NF2: variants seen among roughly 807,000 people sequenced by gnomAD.
NF2 encodes the protein merlin.
NF2 carries 8 observed loss-of-function variants against 83.7 expected under a neutral mutation model. The ratio of observed to expected loss-of-function variants is 0.10; its 90% CI spans 0.06 to 0.17. NF2 has a LOEUF of 0.17. NF2 is among the 10% of genes least tolerant of loss of function. The pLI, the probability that NF2 is intolerant of heterozygous loss-of-function variation, is 1.00. For missense variants in NF2, 533 were observed against 744.4 expected (o/e 0.72, Z 3.31); for synonymous variants, 266 against 269.6 (o/e 0.99, Z 0.13).
intron 7 of NF2, 77 bp from the exon 8 acceptor site, chr22:29,661,128 C>T (rs2147005986): frequency 1.3e-6 from 2 of 1,598,624 alleles, no homozygotes. Flanking sequence ...ACAGTGTGTG[C>T]CAGATTCTTT....
At chr22:29,654,870 A>T in intron 5 of NF2, 145 bp downstream of exon 5, 1 of 724,212 alleles carries the variant, frequency 1.4e-6, no homozygotes, top group Non-Finnish European at 2.4e-6. Flanking sequence ...ACAGTGTGGG[A>T]TCTCTGTTAA....
intron 1 of NF2, among the ~76,000 whole-genome samples, chr22:29,630,588 T>A (rs1480571179): frequency 1.3e-5 from 2 of 152,228 alleles, no homozygotes; most frequent in African/African-American, 2.4e-5. Flanking sequence ...GGAGGAGGTC[T>A]GTGGAAGGGA....
intron 1 of NF2, among the ~76,000 whole-genome samples, chr22:29,605,987 T>C (rs1424201720): frequency 1.3e-5 from 2 of 152,060 alleles, no homozygotes; most frequent in African/African-American, 4.8e-5. Flanking sequence ...GGAGTTTTGC[T>C]CTTGTTGCTC....
At chr22:29,620,757 C>T (rs574959683) in intron 1 of NF2, among the ~76,000 whole-genome samples, 3 of 151,660 alleles carry the variant, frequency 2.0e-5, no homozygotes, top group African/African-American at 7.3e-5. Flanking sequence ...GGTCTCCCTA[C>T]GTTGGTTGCT....
At chr22:29,682,585 TC>T (rs1368414692) in intron 15 of NF2, among the ~76,000 whole-genome samples, 1 of 152,204 alleles carries the variant, frequency 6.6e-6, no homozygotes, top group African/African-American at 2.4e-5. Flanking sequence ...ATTTCCACAT[TC>T]CACATTCTTC....
At chr22:29,654,610 G>A (rs2146965755) in intron 4 of NF2, 47 bp from the exon 5 acceptor site, 1 of 1,533,884 alleles carries the variant, frequency 6.5e-7, no homozygotes, top group Non-Finnish European at 9.0e-7. Flanking sequence ...AGAAATGGCA[G>A]TTATCTTTAG....
chr22:29,631,415 C>T (rs2065508999), intron 1 of NF2, among the ~76,000 whole-genome samples: 1 of 152,186 alleles, frequency 6.6e-6, no homozygotes, highest in African/African-American at 2.4e-5. Flanking sequence ...GTTCTGTTAG[C>T]ACTTACCAGG....
intron 9 of NF2, among the ~76,000 whole-genome samples, chr22:29,666,686 A>C (rs1042899286): frequency 1.3e-5 from 2 of 152,066 alleles, no homozygotes. Flanking sequence ...TTAAATAATA[A>C]AAAAGAGGGC....
At chr22:29,638,963 C>G (rs1451056962) in intron 2 of NF2, 127 bp from the exon 3 acceptor site, 1 of 1,367,266 alleles carries the variant, frequency 7.3e-7, no homozygotes, top group Non-Finnish European at 1.0e-6. Flanking sequence ...AAAATCACAA[C>G]TTTCAGGAAA....
intron 15 of NF2, chr22:29,683,194 A>G (rs2067191603): frequency 3.1e-6 from 5 of 1,607,960 alleles, no homozygotes; most frequent in South Asian, 2.2e-5. Context: ...GTGCCTGGGT[A>G]CTGGCCGCAG....
intron 7 of NF2, among the ~76,000 whole-genome samples, chr22:29,658,747 G>C (rs1167282830): frequency 2.6e-5 from 4 of 151,956 alleles, no homozygotes; most frequent in African/African-American, 9.7e-5. Flanking sequence ...ATAGTCTGCT[G>C]TCTGCTGGGA....
Position 29,678,181 on chromosome 22 carries a change from A to T in NF2, c.1447-15A>T, listed in dbSNP as rs2067021692. 1 of 1,613,712 alleles carries T rather than the reference A, an allele frequency of 6.2e-7. No individual in the cohort carries two copies. Among genetic ancestry groups the T allele is most frequent in the Non-Finnish European group, 8.5e-7 (1 of 1,179,754 alleles). On this transcript the variant is annotated splice_polypyrimidine_tract_variant and intron_variant, in intron 13 of 15. Transcript: ENST00000338641. Reference sequence around the variant, plus strand: ...GTATGACCCAAGCTCCTAATCCGAAATTTCTCATTAACAGCCCATGAACCC... The same window carrying T: ...GTATGACCCAAGCTCCTAATCCGAATTTTCTCATTAACAGCCCATGAACCC...
chr22:29,692,723 C>T (rs1274515308), intron 15 of NF2, among the ~76,000 whole-genome samples: 2 of 152,230 alleles, frequency 1.3e-5, no homozygotes, highest in Middle Eastern at 3.2e-3. Flanking sequence ...CTGCTCCCCA[C>T]TGGAAGGAGA....
intron 15 of NF2, among the ~76,000 whole-genome samples, chr22:29,687,017 C>T (rs778856759): frequency 1.3e-5 from 2 of 152,080 alleles, no homozygotes; most frequent in Non-Finnish European, 2.9e-5. Context: ...CTTGGTGTGG[C>T]GTAACTGTAC....
intron 1 of NF2, among the ~76,000 whole-genome samples, chr22:29,622,841 A>AGAC (rs1235791359): frequency 6.6e-6 from 1 of 150,796 alleles, no homozygotes; most frequent in Non-Finnish European, 1.5e-5. Flanking sequence ...TTTTTAGTAG[A>AGAC]GACGAAGTTT....
intron 1 of NF2, among the ~76,000 whole-genome samples, chr22:29,618,094 A>C (rs1342986324): frequency 6.6e-6 from 1 of 152,246 alleles, no homozygotes; most frequent in African/African-American, 2.4e-5. Flanking sequence ...GTTGTGATTT[A>C]TCAAGCCATT....
At chr22:29,643,913 C>T (rs1363030783) in intron 4 of NF2, among the ~76,000 whole-genome samples, 133 of 148,878 alleles carry the variant, frequency 8.9e-4, no homozygotes, top group Non-Finnish European at 1.5e-3. Context: ...GCTGGCCGGG[C>T]GGGGGGCTGA....
chr22:29,680,352 C>A (rs751646561), intron 14 of NF2, among the ~76,000 whole-genome samples: 3 of 152,168 alleles, frequency 2.0e-5, no homozygotes, highest in Admixed American at 6.5e-5. Flanking sequence ...CCTCATGATC[C>A]GCCCACCTTG....
intron 13 of NF2, among the ~76,000 whole-genome samples, chr22:29,675,622 G>T (rs1355304493): frequency 6.6e-6 from 1 of 152,058 alleles, no homozygotes; most frequent in African/African-American, 2.4e-5. Context: ...GCTCAGTGTG[G>T]TGTCTACACT....
Sources: gnomAD v4.1 joint callset for allele counts (sites outside exome capture counted in the v4.1 genomes callset) on GRCh38, gnomAD v4.1.1 for gene constraint, MANE v1.5 for transcripts, NCBI Gene and HGNC (gene_info 2026-07-23, HGNC 2026-07-21) for gene names.